The following PRKRA variants were observed in gnomAD, a reference collection of about 807,000 sequenced individuals.
The protein encoded by PRKRA is protein activator of interferon induced protein kinase EIF2AK2, also known as interferon-inducible double-stranded RNA-dependent protein kinase activator A.
In PRKRA, 22 loss-of-function variants were observed where a neutral mutation model predicts 32.4. The ratio of observed to expected loss-of-function variants is 0.68; its 90% CI spans 0.49 to 0.97. The LOEUF (loss-of-function observed/expected upper bound fraction) is 0.97, where lower values mean the gene tolerates loss of function less well. Ranked by LOEUF, PRKRA falls within the 50% of genes least tolerant of loss-of-function variation. PRKRA has a pLI of 0.00. For missense variants in PRKRA, 319 were observed against 375.6 expected, an observed-to-expected ratio of 0.85 and a Z score of 1.25; for synonymous variants, 139 against 129.8, an observed-to-expected ratio of 1.07 and a Z score of -0.48.
intron 6 of PRKRA, among the ~76,000 whole-genome samples, chr2:178,438,681 G>GTT (rs1175221285): frequency 6.3e-5 from 9 of 143,624 alleles, no homozygotes; most frequent in African/African-American, 2.0e-4. Context: ...ACGCTGGTAG[G>GTT]TTTTTTTTTT....
Position 178,451,126 on chromosome 2 carries a change from G to GCCACCTCCTCCGACCCCC in PRKRA, c.-97_-96insGGGGGTCGGAGGAGGTGG. 7.2e-7 allele frequency: 1 copy of GCCACCTCCTCCGACCCCC among 1,383,742 alleles called. No individual in the cohort carries two copies. Among genetic ancestry groups the GCCACCTCCTCCGACCCCC allele is most frequent in the Non-Finnish European group, 9.7e-7 (1 of 1,030,432 alleles). The allele number at this position is 1,383,742 out of a possible 1,614,324, so 85.7% of individuals were successfully genotyped here. On this transcript the variant is annotated 5_prime_UTR_variant, in exon 1 of 8. Coordinates refer to ENST00000325748, the MANE Select transcript of PRKRA (RefSeq NM_003690.5). ...GGTCCCCGGGAGGAGCTCCAGCGCC[G>GCCACCTCCTCCGACCCCC]CCACCTCCTCCGACTCCCCCGCCTC...
chr2:178,444,544 C>A (rs757046081), intron 3 of PRKRA, 44 bp from the exon 4 acceptor site: 1 of 1,411,990 alleles, frequency 7.1e-7, no homozygotes, highest in South Asian at 1.2e-5. Context: ...TAATTTCCCC[C>A]GAATTATGAA....
At chr2:178,435,604 A>G (rs999652843) in intron 7 of PRKRA, among the ~76,000 whole-genome samples, 1 of 152,192 alleles carries the variant, frequency 6.6e-6, no homozygotes, top group Non-Finnish European at 1.5e-5. Flanking sequence ...ATCAGCATAC[A>G]GTGACAAAGT....
At chr2:178,447,723 T>C (rs1253708851) in intron 2 of PRKRA, 137 bp from the exon 3 acceptor site, 4 of 855,156 alleles carry the variant, frequency 4.7e-6, no homozygotes, top group Non-Finnish European at 7.4e-6. Flanking sequence ...GTACGTTATA[T>C]ACTGTACATA....
intron 6 of PRKRA, among the ~76,000 whole-genome samples, chr2:178,438,235 A>G (rs1200207889): frequency 1.3e-5 from 2 of 152,214 alleles, no homozygotes; most frequent in Admixed American, 6.5e-5. Context: ...TAATATTTAT[A>G]CTGTTTCAAA....
chr2:178,447,942 T>C (rs1697385582), intron 2 of PRKRA, among the ~76,000 whole-genome samples: 1 of 152,214 alleles, frequency 6.6e-6, no homozygotes, highest in African/African-American at 2.4e-5. Flanking sequence ...CAGATTAGTA[T>C]TTTACTCTTC....
At chr2:178,446,868 C>T (rs1697329148) in intron 3 of PRKRA, among the ~76,000 whole-genome samples, 1 of 151,168 alleles carries the variant, frequency 6.6e-6, no homozygotes, top group South Asian at 2.1e-4. Context: ...TGGCGGGCGC[C>T]TGTAGTCCCA....
chr2:178,437,143 G>GA (rs1377355838), intron 6 of PRKRA, among the ~76,000 whole-genome samples: 6 of 152,086 alleles, frequency 3.9e-5, no homozygotes, highest in African/African-American at 1.4e-4. Flanking sequence ...GCATGATATG[G>GA]AATTAAGTAA....
chr2:178,434,938 T>C (rs995453682), intron 7 of PRKRA, among the ~76,000 whole-genome samples: 3 of 150,874 alleles, frequency 2.0e-5, no homozygotes, highest in African/African-American at 4.9e-5. Flanking sequence ...CTGGTCAACA[T>C]GGTGAAACTC....
At chr2:178,442,621 T>TG (rs1697159570) in intron 5 of PRKRA, among the ~76,000 whole-genome samples, 8 of 152,220 alleles carry the variant, frequency 5.3e-5, no homozygotes, top group Admixed American at 5.2e-4. Context: ...CTTTCTGTAC[T>TG]GGCCACACTA....
chr2:178,450,012 G>A, intron 2 of PRKRA: 2 of 611,136 alleles, frequency 3.3e-6, no homozygotes, highest in Middle Eastern at 4.5e-4. Context: ...CCAGCCATCC[G>A]GCTGGGTAAC....
chr2:178,450,230 G>A lies in PRKRA; in HGVS notation c.235+12C>T, dbSNP rs1265477801. ...ACCCACTCGGTCATCCAGGTTAACT[G>A]TGTATACAGACCTGTGCAGGTTATG... On this transcript the variant is annotated intron_variant, in intron 2 of 7. Transcript: ENST00000325748. The A allele has an allele frequency of 1.3e-6, 1 of 781,400 alleles. No individual in the cohort carries two copies. Among genetic ancestry groups the A allele is most frequent in the African/African-American group, 1.9e-5 (1 of 51,578 alleles). 48.4% of individuals were successfully genotyped at this position (781,400 alleles called of 1,614,324 possible).
At chr2:178,441,111 C>T (rs547655609) in intron 6 of PRKRA, among the ~76,000 whole-genome samples, 6 of 152,286 alleles carry the variant, frequency 3.9e-5, no homozygotes, top group African/African-American at 1.4e-4. Context: ...GTCTCCAAAC[C>T]TGTTTTTGTT....
At chr2:178,439,896 C>A (rs1697048576) in intron 6 of PRKRA, 1 of 151,930 alleles carries the variant, frequency 6.6e-6, no homozygotes, top group African/African-American at 2.4e-5. Flanking sequence ...CTTGTCAATG[C>A]TATATCATTA....
chr2:178,431,816 A>T lies in PRKRA; in HGVS notation c.*281T>A. The T allele has an allele frequency of 2.2e-6, 1 of 457,818 alleles. No individual in the cohort carries two copies. The highest frequency in any genetic ancestry group is 4.0e-6 in the Non-Finnish European group (1 of 251,442). 28.4% of individuals were successfully genotyped at this position (457,818 alleles called of 1,614,324 possible). ...ATTTTTATTTCATCATCAACAACAA[A>T]CATGCAGTTTCTTTCTCTGATGTGC... On this transcript the variant is annotated 3_prime_UTR_variant, in exon 8 of 8. Transcript: ENST00000325748.
chr2:178,431,939 TAAC>T lies in PRKRA; in HGVS notation c.*155_*157del. ...GTTGAAGCCATTAAAAAGAGCTTAA[TAAC>T]AACTATGAGGAGATAATTAAATCTG... On this transcript the variant is annotated 3_prime_UTR_variant, in exon 8 of 8. Coordinates refer to ENST00000325748, the MANE Select transcript of PRKRA (RefSeq NM_003690.5). 2 of 885,628 alleles carry T rather than the reference TAAC, an allele frequency of 2.3e-6. No homozygotes were observed. Among genetic ancestry groups the T allele is most frequent in the South Asian group, 3.3e-5 (2 of 60,498 alleles). 54.9% of individuals were successfully genotyped at this position (885,628 alleles called of 1,614,324 possible).
At position 178,431,845 on chromosome 2, in the gene PRKRA, G is replaced by C; in HGVS notation, c.*252C>G. The C allele has an allele frequency of 1.9e-6, 1 of 530,242 alleles. No homozygotes were observed. Among genetic ancestry groups the C allele is most frequent in the South Asian group, 2.1e-5 (1 of 46,606 alleles). The allele number at this position is 530,242 out of a possible 1,614,324, so 32.8% of individuals were successfully genotyped here. Reference sequence around the variant, plus strand: ...GCAGTTTCTTTCTCTGATGTGCATGGCACTGTAAAATGGGTGCTACACTCT... The same window carrying C: ...GCAGTTTCTTTCTCTGATGTGCATGCCACTGTAAAATGGGTGCTACACTCT... On this transcript the variant is annotated 3_prime_UTR_variant, in exon 8 of 8. Coordinates refer to ENST00000325748, the MANE Select transcript of PRKRA (RefSeq NM_003690.5).
At chr2:178,442,448 A>G (rs1047354736) in intron 5 of PRKRA, among the ~76,000 whole-genome samples, 1 of 152,234 alleles carries the variant, frequency 6.6e-6, no homozygotes, top group Admixed American at 6.5e-5. Flanking sequence ...TAAGAAAGGC[A>G]CAGGGGATGG....
rs531361028 is a variant in PRKRA, at chr2:178,431,813, CA to C, written c.*283del. On this transcript the variant is annotated 3_prime_UTR_variant, in exon 8 of 8. Coordinates refer to ENST00000325748, the MANE Select transcript of PRKRA (RefSeq NM_003690.5). ...AGCATTTTTATTTCATCATCAACAA[CA>C]AACATGCAGTTTCTTTCTCTGATGT... 8 of 448,050 alleles carry C rather than the reference CA, an allele frequency of 1.8e-5. No homozygotes were observed. The South Asian group carries it at 2.1e-4, about 12-fold the overall frequency. The allele number at this position is 448,050 out of a possible 1,614,324, so 27.8% of individuals were successfully genotyped here. A position where few individuals can be genotyped will look rare whatever the true frequency, so the allele number is the denominator to read the frequency against.
Sources: gnomAD v4.1 joint callset for allele counts (sites outside exome capture counted in the v4.1 genomes callset) on GRCh38, gnomAD v4.1.1 for gene constraint, MANE v1.5 for transcripts, NCBI Gene and HGNC (gene_info 2026-07-23, HGNC 2026-07-21) for gene names.